The following KAT2B variants were observed in gnomAD, a reference collection of about 807,000 sequenced individuals.
The protein encoded by KAT2B is lysine acetyltransferase 2B.
In KAT2B, 36 loss-of-function variants were observed where a neutral mutation model predicts 105.9. The observed-to-expected ratio is 0.34, with a 90% CI of 0.26 to 0.45. The LOEUF (loss-of-function observed/expected upper bound fraction) is 0.45. Ranked by LOEUF, KAT2B falls within the 20% of genes least tolerant of loss-of-function variation. The pLI is 1.00. For synonymous variants in KAT2B, 397 were observed against 377.9 expected (o/e 1.05, Z -0.59); for missense variants, 820 against 1,021.6 (o/e 0.80, Z 2.69).
chr3:20,075,411 C>T (rs987228350), intron 2 of KAT2B, among the ~76,000 whole-genome samples: 1 of 151,898 alleles, frequency 6.6e-6, no homozygotes, highest in Non-Finnish European at 1.5e-5. Context: ...CTGGAGGTCC[C>T]ATAATTCATT....
chr3:20,047,606 CTTT>C (rs35457765), intron 1 of KAT2B, among the ~76,000 whole-genome samples: 1 of 117,842 alleles, frequency 8.5e-6, no homozygotes, highest in Non-Finnish European at 1.7e-5. Flanking sequence ...CCGTGAGTAC[CTTT>C]TTTTTTTTTT....
intron 9 of KAT2B, among the ~76,000 whole-genome samples, chr3:20,125,018 G>C (rs1380866802): frequency 6.6e-6 from 1 of 152,204 alleles, no homozygotes; most frequent in Non-Finnish European, 1.5e-5. Context: ...TCTTTAAAAA[G>C]AGGTGTTAAG....
intron 1 of KAT2B, among the ~76,000 whole-genome samples, chr3:20,071,760 A>G (rs900702075): frequency 6.6e-5 from 10 of 152,188 alleles, no homozygotes; most frequent in African/African-American, 2.4e-4. Context: ...GGACTACATG[A>G]TGAAGCCCTC....
At position 20,121,730 on chromosome 3, in the gene KAT2B, ATATGTGTGTGTGTG is replaced by A. The variant is rs1193211553; in HGVS notation, c.1277-936_1277-923del. Reference sequence around the variant, plus strand: ...TATATATGCATACATACACATATGCATATGTGTGTGTGTGTGTGTGTGTGTGTGTGTGTGTGTGT... The same window carrying A: ...TATATATGCATACATACACATATGCATGTGTGTGTGTGTGTGTGTGTGTGT... On this transcript the variant is annotated intron_variant, in intron 8 of 17. Coordinates refer to ENST00000263754, the MANE Select transcript of KAT2B (RefSeq NM_003884.5). 2.1e-3 allele frequency among the ~76,000 whole-genome samples: 197 copies of A among 92,546 alleles called. 1 individual carries two copies. The highest frequency in any genetic ancestry group is 5.1e-3 in the African/African-American group (137 of 27,012). 60.7% of individuals were successfully genotyped at this position (92,546 alleles called of 152,430 possible).
At chr3:20,132,970 T>G (rs1389543287) in intron 11 of KAT2B, among the ~76,000 whole-genome samples, 1 of 152,246 alleles carries the variant, frequency 6.6e-6, no homozygotes, top group African/African-American at 2.4e-5. Context: ...TAGACATTAC[T>G]TTTCCTGTGC....
At chr3:20,142,568 TAGAG>T (rs10663947) in intron 13 of KAT2B, among the ~76,000 whole-genome samples, 3 of 151,358 alleles carry the variant, frequency 2.0e-5, no homozygotes, top group Non-Finnish European at 2.9e-5. Context: ...TTGTCATTAG[TAGAG>T]AGAGAGAGAG....
chr3:20,143,383 C>T (rs1279914403), intron 13 of KAT2B, among the ~76,000 whole-genome samples: 1 of 151,920 alleles, frequency 6.6e-6, no homozygotes, highest in Non-Finnish European at 1.5e-5. Context: ...AAAAAAATAA[C>T]AGATGTTGGC....
At chr3:20,120,105 T>C (rs1040687727) in intron 8 of KAT2B, among the ~76,000 whole-genome samples, 2 of 152,110 alleles carry the variant, frequency 1.3e-5, no homozygotes, top group African/African-American at 4.8e-5. Flanking sequence ...CCTGGGACTA[T>C]TGGGCTACCC....
intron 6 of KAT2B, among the ~76,000 whole-genome samples, chr3:20,114,389 C>T (rs1287481167): frequency 1.3e-5 from 2 of 152,194 alleles, no homozygotes; most frequent in African/African-American, 4.8e-5. Flanking sequence ...CCACTTACAA[C>T]ACTGCCTATC....
chr3:20,143,483 A>G (rs549665422), intron 13 of KAT2B, among the ~76,000 whole-genome samples: 1 of 152,336 alleles, frequency 6.6e-6, no homozygotes, highest in Non-Finnish European at 1.5e-5. Flanking sequence ...GAGATTTCTC[A>G]AAGAATTAAA....
chr3:20,071,837 G>A (rs2125180651), intron 1 of KAT2B, among the ~76,000 whole-genome samples: 1 of 152,340 alleles, frequency 6.6e-6, no homozygotes, highest in Admixed American at 6.5e-5. Context: ...TCAGCTGGGT[G>A]TGCCCCGTCT....
At chr3:20,140,022 C>T (rs1357298338) in intron 12 of KAT2B, among the ~76,000 whole-genome samples, 199 bp from the exon 13 acceptor site, 2 of 152,102 alleles carry the variant, frequency 1.3e-5, no homozygotes, top group Non-Finnish European at 2.9e-5. Context: ...AAAATGTTGT[C>T]TTGCTTCCTA....
intron 11 of KAT2B, among the ~76,000 whole-genome samples, chr3:20,129,154 G>A (rs2125181864): frequency 6.6e-6 from 1 of 151,842 alleles, no homozygotes; most frequent in South Asian, 2.1e-4. Context: ...ATATAAAGCA[G>A]CCTGCAAATA....
At chr3:20,137,471 T>A (rs1699621653) in intron 12 of KAT2B, 1 of 158,544 alleles carries the variant, frequency 6.3e-6, no homozygotes, top group African/African-American at 2.4e-5. Context: ...GTCCTGATTC[T>A]ACAGCACATA....
chr3:20,055,787 AAATTTC>A (rs1697994185), intron 1 of KAT2B, among the ~76,000 whole-genome samples: 1 of 152,192 alleles, frequency 6.6e-6, no homozygotes, highest in African/African-American at 2.4e-5. Context: ...TCCCCCTAGA[AAATTTC>A]TGCCTGCTCC....
At chr3:20,080,301 G>C (rs1179105866) in intron 2 of KAT2B, among the ~76,000 whole-genome samples, 1 of 152,118 alleles carries the variant, frequency 6.6e-6, no homozygotes, top group African/African-American at 2.4e-5. Context: ...GTTCTCCAAA[G>C]GTTCTTTGAA....
chr3:20,126,901 A>G (rs1298534875), intron 10 of KAT2B, among the ~76,000 whole-genome samples: 1 of 151,912 alleles, frequency 6.6e-6, no homozygotes, highest in African/African-American at 2.4e-5. Context: ...TACATAGCCC[A>G]GTAGCCTATG....
intron 1 of KAT2B, among the ~76,000 whole-genome samples, chr3:20,065,299 G>A (rs1217466439): frequency 2.6e-5 from 4 of 152,136 alleles, no homozygotes; most frequent in Non-Finnish European, 4.4e-5. Context: ...GCTTGGCAGT[G>A]CACTCCCTAA....
intron 12 of KAT2B, among the ~76,000 whole-genome samples, chr3:20,137,981 A>G (rs1346415886): frequency 2.0e-5 from 3 of 152,366 alleles, no homozygotes; most frequent in Admixed American, 6.5e-5. Flanking sequence ...CTCTCTTTAA[A>G]TAAGTCTTAA....
Sources: gnomAD v4.1 joint callset for allele counts (sites outside exome capture counted in the v4.1 genomes callset) on GRCh38, gnomAD v4.1.1 for gene constraint, MANE v1.5 for transcripts, NCBI Gene and HGNC (gene_info 2026-07-23, HGNC 2026-07-21) for gene names.